CCM2: variants seen among roughly 807,000 people sequenced by gnomAD.
The protein encoded by CCM2 is cerebral cavernous malformations 2 protein.
CCM2 carries 25 observed loss-of-function variants against 44.9 expected under a neutral mutation model. The ratio of observed to expected loss-of-function variants is 0.56; its 90% CI spans 0.41 to 0.78. The LOEUF is 0.78. CCM2 is among the 30% of genes least tolerant of loss of function. The probability of loss-of-function intolerance (pLI) is 0.00; values close to 1 mark genes in which losing one functional copy is unlikely to be tolerated. For synonymous variants in CCM2, 219 were observed against 241.1 expected, an observed-to-expected ratio of 0.91 and a Z score of 0.85; for missense variants, 481 against 580.6, an observed-to-expected ratio of 0.83 and a Z score of 1.76.
At chr7:44,999,814 TCCCGCG>T, upstream of CCM2, 1 of 441,194 alleles carries the variant, frequency 2.3e-6, no homozygotes, top group Non-Finnish European at 4.5e-6. Context: ...CCGCGCGCGC[TCCCGCG>T]CGCGCTGAGT....
At chr7:45,034,209 C>CTT (rs869231171) in intron 1 of CCM2, among the ~76,000 whole-genome samples, 1 of 145,352 alleles carries the variant, frequency 6.9e-6, no homozygotes. Flanking sequence ...TATGGAAGCA[C>CTT]TTTTTTTTTT....
chr7:45,048,598 A>G (rs549127555), intron 2 of CCM2, among the ~76,000 whole-genome samples: 1 of 152,158 alleles, frequency 6.6e-6, no homozygotes, highest in Non-Finnish European at 1.5e-5. Context: ...CCCCATCTCT[A>G]CTAAAAATAC....
At chr7:45,057,477 A>G (rs956923101) in intron 2 of CCM2, among the ~76,000 whole-genome samples, 7 of 152,190 alleles carry the variant, frequency 4.6e-5, no homozygotes, top group Admixed American at 2.0e-4. Flanking sequence ...TCTCTTTTCC[A>G]ATCCATTGGT....
chr7:45,001,361 C>T (rs1405981158), intron 1 of CCM2, among the ~76,000 whole-genome samples: 1 of 152,162 alleles, frequency 6.6e-6, no homozygotes, highest in Non-Finnish European at 1.5e-5. Context: ...GTATAATTTG[C>T]GGTTATCTAC....
chr7:45,008,740 T>A (rs1355258880), intron 1 of CCM2, among the ~76,000 whole-genome samples: 2 of 152,194 alleles, frequency 1.3e-5, no homozygotes, highest in Non-Finnish European at 2.9e-5. Context: ...CTGTCAGATG[T>A]CTGAAAATGC....
intron 6 of CCM2, chr7:45,071,567 G>T: frequency 3.0e-6 from 1 of 332,762 alleles, no homozygotes. Context: ...ATAAACAGCA[G>T]AAATATATTC....
rs1797317596 is a variant in CCM2 at position 45,038,217 on chromosome 7, A to G, written c.31-36A>G. On this transcript the variant is annotated intron_variant, in intron 1 of 9. Transcript: ENST00000258781. ...TAGGTACAACACAAAGCATTTGTAA[A>G]TAATGAACTCCAATCATTGCCGTTT... 3 of 1,612,364 alleles carry G rather than the reference A, an allele frequency of 1.9e-6. No homozygotes were observed. The East Asian group carries it at 6.7e-5, about 36-fold the overall frequency.
At chr7:45,050,313 T>C (rs1247062759) in intron 2 of CCM2, among the ~76,000 whole-genome samples, 1 of 152,236 alleles carries the variant, frequency 6.6e-6, no homozygotes, top group Non-Finnish European at 1.5e-5. Flanking sequence ...CACTCAATGA[T>C]GAAATTGCCT....
intron 1 of CCM2, among the ~76,000 whole-genome samples, chr7:45,028,461 T>TC (rs1297658681): frequency 1.8e-4 from 28 of 152,126 alleles, no homozygotes; most frequent in African/African-American, 6.5e-4. Flanking sequence ...ATCAAGACCA[T>TC]TCTGACTAAC....
intron 1 of CCM2, among the ~76,000 whole-genome samples, chr7:45,025,517 C>G (rs936635666): frequency 9.6e-5 from 14 of 146,512 alleles, no homozygotes; most frequent in Admixed American, 2.1e-4. Context: ...ATTTCTTGTT[C>G]TCTGTTCTCT....
At chr7:45,073,265 G>A (rs557226584) in intron 7 of CCM2, 195 bp from the exon 8 acceptor site, 24 of 624,544 alleles carry the variant, frequency 3.8e-5, no homozygotes, top group Admixed American at 1.9e-4. Context: ...CCATGCCCCC[G>A]GGGAGCCCCA....
chr7:45,052,483 A>G (rs1798059709), intron 2 of CCM2, among the ~76,000 whole-genome samples: 1 of 152,134 alleles, frequency 6.6e-6, no homozygotes, highest in African/African-American at 2.4e-5. Flanking sequence ...TCCGCTGGGA[A>G]GTGTTTAGGT....
intron 4 of CCM2, 75 bp downstream of exon 4, chr7:45,064,721 A>G: frequency 6.6e-7 from 1 of 1,521,530 alleles, no homozygotes; most frequent in Non-Finnish European, 9.0e-7. Flanking sequence ...TTCTGGAGAC[A>G]GTTTTTGCAG....
chr7:45,033,146 C>A (rs1261061271), intron 1 of CCM2, among the ~76,000 whole-genome samples: 1 of 150,366 alleles, frequency 6.7e-6, no homozygotes, highest in African/African-American at 2.4e-5. Context: ...CAATAAGAGG[C>A]ATCTACAGAT....
intron 1 of CCM2, among the ~76,000 whole-genome samples, chr7:45,012,031 T>C (rs1415133529): frequency 6.6e-6 from 1 of 152,112 alleles, no homozygotes. Context: ...TTAAGTTCTC[T>C]AGTTATTATT....
intron 2 of CCM2, 31 bp from the exon 3 acceptor site, chr7:45,063,887 T>C: frequency 6.7e-7 from 1 of 1,492,368 alleles, no homozygotes; most frequent in Non-Finnish European, 9.4e-7. Flanking sequence ...CTCCCATTTC[T>C]CATGGCATTT....
At chr7:45,040,854 G>A (rs746140107) in intron 2 of CCM2, among the ~76,000 whole-genome samples, 8 of 152,236 alleles carry the variant, frequency 5.3e-5, no homozygotes, top group Non-Finnish European at 1.2e-4. Context: ...GCCAGGTGTA[G>A]TGGCACACGC....
chr7:45,036,431 G>A (rs1413677264), intron 1 of CCM2, among the ~76,000 whole-genome samples: 1 of 152,146 alleles, frequency 6.6e-6, no homozygotes, highest in Non-Finnish European at 1.5e-5. Flanking sequence ...TGCTCTTTGA[G>A]GATTTGTTTT....
At chr7:45,027,679 T>C in intron 1 of CCM2, 1 of 1,614,134 alleles carries the variant, frequency 6.2e-7, no homozygotes, top group Non-Finnish European at 8.5e-7. Context: ...GCCATATTTT[T>C]CAACAAATTC....
Sources: allele counts gnomAD v4.1 joint callset (sites outside exome capture counted in the v4.1 genomes callset), GRCh38; gene constraint gnomAD v4.1.1; transcripts MANE v1.5; gene names NCBI Gene and HGNC (gene_info 2026-07-23, HGNC 2026-07-21).